Variants in FAM174B observed in about 807,000 individuals in gnomAD.
FAM174B encodes membrane protein FAM174B.
FAM174B carries 12 observed loss-of-function variants against 10.9 expected under a neutral mutation model. That is an observed-to-expected ratio of 1.10 (90% CI 0.71 to 1.79). FAM174B has a LOEUF of 1.79. FAM174B is among the 40% of genes most tolerant of loss of function. FAM174B has a pLI of 0.00. For synonymous variants in FAM174B, 132 were observed against 115.8 expected (o/e 1.14, Z -0.90); for missense variants, 266 against 233.3 (o/e 1.14, Z -0.91).
intron 1 of FAM174B, among the ~76,000 whole-genome samples, chr15:92,630,881 ATATTACG>A (rs2050793041): frequency 4.1e-5 from 2 of 48,656 alleles, no homozygotes; most frequent in African/African-American, 1.0e-4. Flanking sequence ...TATATATTAT[ATATTACG>A]TATTACATAT....
intron 1 of FAM174B, among the ~76,000 whole-genome samples, chr15:92,648,244 A>T (rs1300567216): frequency 6.6e-6 from 1 of 152,200 alleles, no homozygotes; most frequent in African/African-American, 2.4e-5. Flanking sequence ...CCCCAGGTCA[A>T]TATGGTCACT....
chr15:92,633,033 T>C (rs377275430), intron 1 of FAM174B, among the ~76,000 whole-genome samples: 28 of 152,328 alleles, frequency 1.8e-4, no homozygotes, highest in East Asian at 1.7e-3. Flanking sequence ...TCCACTCTCT[T>C]GAACTTTTTC....
At chr15:92,640,034 T>C (rs2050880000) in intron 1 of FAM174B, among the ~76,000 whole-genome samples, 1 of 152,158 alleles carries the variant, frequency 6.6e-6, no homozygotes, top group Non-Finnish European at 1.5e-5. Context: ...GAATCTAGTA[T>C]AGGATAAAGA....
chr15:92,626,394 G>T (rs773885925), intron 2 of FAM174B, among the ~76,000 whole-genome samples: 2 of 152,124 alleles, frequency 1.3e-5, no homozygotes, highest in Non-Finnish European at 2.9e-5. Context: ...ACCGCACCCA[G>T]CCAGTTGCTG....
chr15:92,632,556 C>G (rs2050826250), intron 1 of FAM174B, among the ~76,000 whole-genome samples: 1 of 152,176 alleles, frequency 6.6e-6, no homozygotes, highest in Non-Finnish European at 1.5e-5. Flanking sequence ...ATCACCTAGG[C>G]TGGAGTGCAG....
intron 1 of FAM174B, among the ~76,000 whole-genome samples, chr15:92,639,562 G>C (rs1017065326): frequency 2.6e-5 from 4 of 152,178 alleles, no homozygotes; most frequent in African/African-American, 7.2e-5. Flanking sequence ...ATAAGGTTTG[G>C]AACTGTGTCC....
Position 92,617,585 on chromosome 15 carries a change from CG to C in FAM174B, c.*1870del. ...GGCAGATGGAGCCCGGGTGTTTCTGCGTAAGGCAGAGGAATCCAGCTTTTCC... is the reference window on the plus strand; with the variant it reads ...GGCAGATGGAGCCCGGGTGTTTCTGCTAAGGCAGAGGAATCCAGCTTTTCC... On this transcript the variant is annotated 3_prime_UTR_variant, in exon 3 of 3. Transcript: ENST00000327355. 1 of 610,842 alleles carries C rather than the reference CG, an allele frequency of 1.6e-6. No homozygotes were observed. The highest frequency in any genetic ancestry group is 2.9e-6 in the Non-Finnish European group (1 of 345,936). 37.8% of individuals were successfully genotyped at this position (610,842 alleles called of 1,614,324 possible).
Position 92,655,508 on chromosome 15 carries a change from G to A in FAM174B, c.152C>T (p.Pro51Leu), listed in dbSNP as rs747702300. The stretch of plus-strand genomic sequence containing the variant: ...AGACCCAAACCGGGTGGTGTTCCCG[G>A]GCCCCGGGCCGGGCGGTGGCCGCGA... ...RESRPPPGPG[P>L]GNTTRFGSGA... The change falls in exon 1 of 3, where the codon CCC (proline) becomes CTC (leucine). Residue 51 changes from proline (P) to leucine (L), a missense_variant. Coordinates refer to ENST00000327355, the MANE Select transcript of FAM174B (RefSeq NM_207446.3). 5.3e-6 allele frequency: 8 copies of A among 1,505,666 alleles called. No individual in the cohort carries two copies. Among genetic ancestry groups the A allele is most frequent in the Non-Finnish European group, 7.1e-6 (8 of 1,127,962 alleles). 93.3% of individuals were successfully genotyped at this position (1,505,666 alleles called of 1,614,324 possible).
At chr15:92,643,344 ATGTGTGTGTGTGTGTG>A (rs61322216) in intron 1 of FAM174B, among the ~76,000 whole-genome samples, 2 of 138,088 alleles carry the variant, frequency 1.4e-5, no homozygotes, top group Admixed American at 7.2e-5. Flanking sequence ...TAGGGAAGGA[ATGTGTGTGTGTGTGTG>A]TGTGTGTGTG....
intron 1 of FAM174B, among the ~76,000 whole-genome samples, chr15:92,636,128 T>C (rs575421973): frequency 2.0e-5 from 3 of 152,278 alleles, no homozygotes; most frequent in East Asian, 3.9e-4. Flanking sequence ...TCTCTAAGTG[T>C]AGATTCTTTA....
intron 1 of FAM174B, among the ~76,000 whole-genome samples, chr15:92,635,505 C>T (rs1415951120): frequency 6.6e-6 from 1 of 151,154 alleles, no homozygotes; most frequent in East Asian, 1.9e-4. Context: ...AACCTCATAG[C>T]GTATAAATGG....
chr15:92,654,446 A>G (rs140832276), intron 1 of FAM174B, among the ~76,000 whole-genome samples: 275 of 152,334 alleles, frequency 1.8e-3, no homozygotes, highest in African/African-American at 6.6e-3. Flanking sequence ...CATTAAAGGA[A>G]ATGTCCTTGC....
At position 92,655,646 on chromosome 15, in the gene FAM174B, G is replaced by C; in HGVS notation, c.14C>G (p.Pro5Arg). The C allele has an allele frequency of 8.0e-7, 1 of 1,254,696 alleles. No individual in the cohort carries two copies. Among genetic ancestry groups the C allele is most frequent in the Non-Finnish European group, 9.9e-7 (1 of 1,005,030 alleles). The allele number at this position is 1,254,696 out of a possible 1,614,324, so 77.7% of individuals were successfully genotyped here. A position where few individuals can be genotyped will look rare whatever the true frequency, so the allele number is the denominator to read the frequency against. Residue 5 changes from proline to arginine, a missense_variant, in exon 1 of 3, where the codon CCG becomes CGG. Transcript: ENST00000327355. Reference sequence around the variant, plus strand: ...CAGCGGCAGGAGCGGGGCGGGCAGCGGCACGGCGCGCATAGTGCGGTGGGT... The same window carrying C: ...CAGCGGCAGGAGCGGGGCGGGCAGCCGCACGGCGCGCATAGTGCGGTGGGT... Reference protein sequence around the residue: MRAVPLPAPLLPLLL... With the variant: MRAVRLPAPLLPLLL...
intron 1 of FAM174B, 39 bp from the exon 2 acceptor site, chr15:92,630,384 G>T (rs929240984): frequency 1.4e-5 from 22 of 1,571,566 alleles, no homozygotes; most frequent in Non-Finnish European, 1.8e-5. Flanking sequence ...ACACAGCTGG[G>T]AGAGAAAGAG....
At chr15:92,628,100 T>G (rs2050765561) in intron 2 of FAM174B, among the ~76,000 whole-genome samples, 1 of 152,198 alleles carries the variant, frequency 6.6e-6, no homozygotes, top group Non-Finnish European at 1.5e-5. Context: ...TAATACAATG[T>G]AAATAGTTGT....
intron 2 of FAM174B, among the ~76,000 whole-genome samples, chr15:92,624,744 C>T (rs548443461): frequency 1.6e-3 from 241 of 152,346 alleles, no homozygotes; most frequent in Non-Finnish European, 2.7e-3. Context: ...ACATCCTTTC[C>T]ACACATAAGA....
intron 1 of FAM174B, among the ~76,000 whole-genome samples, chr15:92,650,383 G>T (rs528450129): frequency 1.3e-5 from 2 of 152,304 alleles, no homozygotes; most frequent in South Asian, 4.1e-4. Flanking sequence ...CCCTCGGGAA[G>T]CACCAAAAAG....
At chr15:92,642,278 G>C (rs1034669797) in intron 1 of FAM174B, among the ~76,000 whole-genome samples, 1 of 152,184 alleles carries the variant, frequency 6.6e-6, no homozygotes, top group African/African-American at 2.4e-5. Context: ...TAAACATGGA[G>C]TTATCATATG....
At chr15:92,636,771 G>A (rs1275664718) in intron 1 of FAM174B, among the ~76,000 whole-genome samples, 1 of 152,158 alleles carries the variant, frequency 6.6e-6, no homozygotes, top group Non-Finnish European at 1.5e-5. Flanking sequence ...TCCCTGGTAT[G>A]CCCTGCTCTG....
Sources: gnomAD v4.1 joint callset for allele counts (sites outside exome capture counted in the v4.1 genomes callset) on GRCh38, gnomAD v4.1.1 for gene constraint, MANE v1.5 for transcripts, NCBI Gene and HGNC (gene_info 2026-07-23, HGNC 2026-07-21) for gene names.